ATP13A4: variants seen among roughly 807,000 people sequenced by gnomAD.
ATP13A4 encodes probable cation-transporting ATPase 13A4.
In ATP13A4, 114 loss-of-function variants were observed where a neutral mutation model predicts 142.5. The observed-to-expected ratio is 0.80, with a 90% CI of 0.69 to 0.93. ATP13A4 has a LOEUF of 0.93. ATP13A4 is among the 40% of genes least tolerant of loss of function. The pLI, the probability that ATP13A4 is intolerant of heterozygous loss-of-function variation, is 0.00. For synonymous variants in ATP13A4, 488 were observed against 514.8 expected, an observed-to-expected ratio of 0.95 and a Z score of 0.70; for missense variants, 1,392 against 1,454.0, an observed-to-expected ratio of 0.96 and a Z score of 0.69.
intron 13 of ATP13A4, 81 bp downstream of exon 13, chr3:193,462,681 T>C: frequency 7.4e-7 from 1 of 1,355,474 alleles, no homozygotes; most frequent in Non-Finnish European, 1.1e-6. Flanking sequence ...AATGTCTCCA[T>C]TCTTAATTTC....
chr3:193,562,174 A>G (rs553596290), intron 2 of ATP13A4, among the ~76,000 whole-genome samples: 27 of 152,306 alleles, frequency 1.8e-4, no homozygotes, highest in Admixed American at 1.2e-3. Flanking sequence ...CCGGAGAGCT[A>G]CCAAACCCAG....
chr3:193,497,446 A>G (rs1720307694), intron 3 of ATP13A4, among the ~76,000 whole-genome samples: 1 of 152,190 alleles, frequency 6.6e-6, no homozygotes. Flanking sequence ...TAAAGAGATG[A>G]AACTCTTGTA....
At chr3:193,554,593 C>A (rs917967678) in intron 1 of ATP13A4, 147 bp downstream of exon 1, 1 of 992,010 alleles carries the variant, frequency 1.0e-6, no homozygotes, top group South Asian at 1.3e-5. Context: ...TCAAACATGA[C>A]CTTTTCTCGT....
intron 1 of ATP13A4, 130 bp from the exon 2 acceptor site, chr3:193,515,001 G>A (rs1036555360): frequency 2.2e-6 from 2 of 928,602 alleles, no homozygotes; most frequent in Non-Finnish European, 1.7e-6. Context: ...AGGGCAGGGT[G>A]AGGCATGGAG....
At chr3:193,548,735 T>A (rs1300690256) in intron 1 of ATP13A4, among the ~76,000 whole-genome samples, 2 of 152,032 alleles carry the variant, frequency 1.3e-5, no homozygotes, top group African/African-American at 4.8e-5. Context: ...TGGAAAAAAA[T>A]GTTCCTAGCT....
rs537878354 is a variant in ATP13A4 at position 193,444,973 on chromosome 3, T to C, written c.2153-2417A>G. ...CCTCTACCACCTGTCAGAGATCCAG[T>C]GTTCGGGATAAACAGCCCAGGCCTG... On this transcript the variant is annotated intron_variant, in intron 18 of 29. Coordinates refer to ENST00000342695, the MANE Select transcript of ATP13A4 (RefSeq NM_032279.4). Among the ~76,000 whole-genome samples the C allele has an allele frequency of 4.6e-5, 7 of 152,286 alleles. No homozygotes were observed. The South Asian group carries it at 1.5e-3, about 32-fold the overall frequency.
chr3:193,561,401 T>G (rs1724014034), intron 2 of ATP13A4, among the ~76,000 whole-genome samples: 1 of 152,316 alleles, frequency 6.6e-6, no homozygotes, highest in East Asian at 1.9e-4. Flanking sequence ...AAAGTCCACT[T>G]AGGATTATTT....
intron 1 of ATP13A4, among the ~76,000 whole-genome samples, chr3:193,533,975 C>A (rs1191659971): frequency 6.6e-6 from 1 of 152,150 alleles, no homozygotes; most frequent in African/African-American, 2.4e-5. Context: ...AGAGGAAGCC[C>A]AGTAGAGAGT....
intron 2 of ATP13A4, among the ~76,000 whole-genome samples, chr3:193,567,967 C>CT (rs372559725): frequency 0.029 from 4,226 of 147,232 alleles, 173 homozygotes; most frequent in African/African-American, 0.093. Flanking sequence ...CTTTTCTTTT[C>CT]TTTTTTTTTT....
At chr3:193,409,770 G>A (rs1391838786) in intron 28 of ATP13A4, among the ~76,000 whole-genome samples, 1 of 152,220 alleles carries the variant, frequency 6.6e-6, no homozygotes, top group African/African-American at 2.4e-5. Flanking sequence ...TGTCACTGTG[G>A]GTTTGTGCAG....
At chr3:193,461,950 A>C (rs1717972805) in intron 13 of ATP13A4, among the ~76,000 whole-genome samples, 1 of 152,274 alleles carries the variant, frequency 6.6e-6, no homozygotes, top group Admixed American at 6.5e-5. Context: ...AGCCAAGTGC[A>C]GTGGCTGATG....
At chr3:193,503,773 G>A (rs1720692892) in intron 2 of ATP13A4, among the ~76,000 whole-genome samples, 2 of 152,042 alleles carry the variant, frequency 1.3e-5, no homozygotes, top group African/African-American at 2.4e-5. Flanking sequence ...GTCTTTACAT[G>A]GCTGGATTCT....
chr3:193,474,706 GAAGGA>G (rs1718852755), intron 8 of ATP13A4, among the ~76,000 whole-genome samples: 1 of 133,652 alleles, frequency 7.5e-6, no homozygotes, highest in East Asian at 2.2e-4. Context: ...AAAAAGGAAG[GAAGGA>G]AAGAGAGAGA....
At chr3:193,476,819 C>A (rs988026628) in intron 8 of ATP13A4, among the ~76,000 whole-genome samples, 2 of 151,970 alleles carry the variant, frequency 1.3e-5, no homozygotes, top group Non-Finnish European at 2.9e-5. Context: ...GAACATCTGA[C>A]ACCGATTAAG....
intron 26 of ATP13A4, among the ~76,000 whole-genome samples, chr3:193,412,653 T>C (rs1420370601): frequency 6.6e-6 from 1 of 152,070 alleles, no homozygotes; most frequent in Non-Finnish European, 1.5e-5. Flanking sequence ...CAGCCAATTA[T>C]GTATTCAACA....
At chr3:193,537,721 G>T (rs532279232) in intron 1 of ATP13A4, among the ~76,000 whole-genome samples, 112 of 152,262 alleles carry the variant, frequency 7.4e-4, no homozygotes, top group Non-Finnish European at 1.5e-3. Context: ...GTCCTGCAAT[G>T]AGTGAATGGT....
intron 2 of ATP13A4, among the ~76,000 whole-genome samples, chr3:193,506,378 C>T (rs1026232086): frequency 6.6e-6 from 1 of 152,062 alleles, no homozygotes; most frequent in African/African-American, 2.4e-5. Context: ...AAATATTAAC[C>T]GGATCAGTCC....
At chr3:193,582,782 AAATATATATGTATATT>A (rs1724590334) in intron 1 of ATP13A4, among the ~76,000 whole-genome samples, 2 of 46,572 alleles carry the variant, frequency 4.3e-5, no homozygotes, top group Non-Finnish European at 6.8e-5. Context: ...TACATATATA[AAATATATATGTATATT>A]ACATATATAA....
In ATP13A4 at chr3:193,568,533, C is replaced by T. The variant is rs561806984; in HGVS notation, n.291+13174G>A. Among the ~76,000 whole-genome samples the T allele has an allele frequency of 6.6e-5, 10 of 152,236 alleles. No individual in the cohort carries two copies. In the South Asian group the frequency reaches 2.1e-3, roughly 32 times the overall value. On this transcript the variant is annotated intron_variant and non_coding_transcript_variant, in intron 2 of 3. Transcript: ENST00000489140. ...TGTGCGAGGCTGTGAAGGTTGTTCA[C>T]CTACAAAATAGGACTAATAACTTTA...
Sources: gnomAD v4.1 joint callset for allele counts (sites outside exome capture counted in the v4.1 genomes callset) on GRCh38, gnomAD v4.1.1 for gene constraint, MANE v1.5 for transcripts, NCBI Gene and HGNC (gene_info 2026-07-23, HGNC 2026-07-21) for gene names.